Variants in NF2 observed in about 807,000 individuals in gnomAD.
NF2 encodes merlin.
A neutral mutation model predicts 83.7 loss-of-function variants in NF2; 8 were observed. The observed-to-expected ratio is 0.10, with a 90% CI of 0.06 to 0.17. The LOEUF (loss-of-function observed/expected upper bound fraction) is 0.17. Among genes scored for constraint, NF2 ranks in the 10% least tolerant of loss-of-function variants. The pLI, the probability that NF2 is intolerant of heterozygous loss-of-function variation, is 1.00. For synonymous variants in NF2, 266 were observed against 269.6 expected, an observed-to-expected ratio of 0.99 and a Z score of 0.13; for missense variants, 533 against 744.4, an observed-to-expected ratio of 0.72 and a Z score of 3.31.
intron 11 of NF2, among the ~76,000 whole-genome samples, 168 bp downstream of exon 11, chr22:29,672,116 G>A (rs1355150925): frequency 6.6e-6 from 1 of 152,200 alleles, no homozygotes; most frequent in Non-Finnish European, 1.5e-5. Context: ...GGCAGAAGCA[G>A]ATTTAGGTTG....
intron 13 of NF2, among the ~76,000 whole-genome samples, chr22:29,677,787 T>C (rs2067010196): frequency 6.6e-6 from 1 of 152,222 alleles, no homozygotes; most frequent in African/African-American, 2.4e-5. Context: ...TTTACCTTTT[T>C]TAACAGTGAT....
intron 2 of NF2, among the ~76,000 whole-genome samples, chr22:29,638,352 T>A (rs2065703855): frequency 6.6e-6 from 1 of 151,026 alleles, no homozygotes; most frequent in East Asian, 1.9e-4. Context: ...AAGCTGTATT[T>A]TTTTTTTTTT....
In NF2 at chr22:29,697,193, A is replaced by G. The variant is rs2067576821; in HGVS notation, c.*2391A>G. The G allele has an allele frequency of 5.0e-6, 1 of 201,948 alleles. No individual in the cohort carries two copies. 12.5% of individuals were successfully genotyped at this position (201,948 alleles called of 1,614,324 possible). A position where few individuals can be genotyped will look rare whatever the true frequency, so the allele number is the denominator to read the frequency against. Reference sequence around the variant, plus strand: ...TCCTGACCTGTAAATTTGTTCTTTAACAATGGCTGCAGGTGGGAGCATATG... The same window carrying G: ...TCCTGACCTGTAAATTTGTTCTTTAGCAATGGCTGCAGGTGGGAGCATATG... On this transcript the variant is annotated 3_prime_UTR_variant, in exon 16 of 16. Coordinates refer to ENST00000338641, the MANE Select transcript of NF2 (RefSeq NM_000268.4).
At chr22:29,651,243 AT>A (rs2066139401) in intron 4 of NF2, among the ~76,000 whole-genome samples, 1 of 152,192 alleles carries the variant, frequency 6.6e-6, no homozygotes, top group East Asian at 1.9e-4. Context: ...TAGACAGGAA[AT>A]TATTTCATAT....
At chr22:29,606,869 A>C (rs1204645631) in intron 1 of NF2, among the ~76,000 whole-genome samples, 1 of 152,120 alleles carries the variant, frequency 6.6e-6, no homozygotes, top group Non-Finnish European at 1.5e-5. Context: ...AATATGGTGA[A>C]CCCCATCTCT....
chr22:29,662,832 G>A (rs1196921671), intron 8 of NF2, among the ~76,000 whole-genome samples: 1 of 152,222 alleles, frequency 6.6e-6, no homozygotes, highest in Admixed American at 6.5e-5. Context: ...GAGCACAGGG[G>A]CACTGGGGAG....
At chr22:29,693,597 C>T (rs1349070499) in intron 15 of NF2, among the ~76,000 whole-genome samples, 1 of 152,216 alleles carries the variant, frequency 6.6e-6, no homozygotes. Flanking sequence ...TGGCAACCTC[C>T]AGAGGAAAGA....
At chr22:29,644,804 G>T (rs2065936975) in intron 4 of NF2, among the ~76,000 whole-genome samples, 1 of 152,190 alleles carries the variant, frequency 6.6e-6, no homozygotes, top group African/African-American at 2.4e-5. Flanking sequence ...GCCTGCAATT[G>T]CAGGCACTCG....
In NF2 at chr22:29,639,185, G is replaced by T; in HGVS notation, c.336G>T (p.Glu112Asp). The T allele has an allele frequency of 6.2e-7, 1 of 1,614,156 alleles. No homozygotes were observed. Among genetic ancestry groups the T allele is most frequent in the Non-Finnish European group, 8.5e-7 (1 of 1,180,022 alleles). ...ATGCTGAAGAGGAGCTGGTTCAGGA[G>T]ATCACACAACATTTATTCTTCTTAC... ...PENAEEELVQ[E>D]ITQHLFFLQV... Residue 112 changes from glutamate to aspartate, a missense_variant, in exon 3 of 16, where the codon GAG (glutamate) becomes GAT (aspartate). Physicochemically the swap from Glu to Asp is conservative, Grantham distance 45 (BLOSUM62 2). Around this residue, in one of 3 missense-constraint regions of NF2, gnomAD observed 326 missense variants for 475.1 expected, o/e 0.69. Transcript: ENST00000338641.
intron 9 of NF2, among the ~76,000 whole-genome samples, chr22:29,667,200 T>C (rs2066648542): frequency 6.6e-6 from 1 of 152,148 alleles, no homozygotes; most frequent in East Asian, 1.9e-4. Flanking sequence ...TTTGCCAATC[T>C]TGTGCATCTA....
intron 4 of NF2, among the ~76,000 whole-genome samples, chr22:29,651,027 C>T (rs1275190797): frequency 5.3e-5 from 8 of 152,078 alleles, no homozygotes; most frequent in South Asian, 2.1e-4. Flanking sequence ...TTTTAGAATG[C>T]GTTTACCAAC....
chr22:29,654,439 C>T (rs991982552), intron 4 of NF2, among the ~76,000 whole-genome samples: 2 of 152,214 alleles, frequency 1.3e-5, no homozygotes, highest in African/African-American at 4.8e-5. Flanking sequence ...GCACATCACC[C>T]ATCCATCTCT....
chr22:29,649,930 C>T lies in NF2; in HGVS notation c.448-4727C>T, dbSNP rs576956737. Among the ~76,000 whole-genome samples, 4 of 152,194 alleles carry T rather than the reference C, an allele frequency of 2.6e-5. No homozygotes were observed. In the East Asian group the frequency reaches 7.7e-4, roughly 29 times the overall value. ...GGATAAATGCTTGAGGGGATGGACACCCCATTCTCCATGATGTGATTATTT... is the reference window on the plus strand; with the variant it reads ...GGATAAATGCTTGAGGGGATGGACATCCCATTCTCCATGATGTGATTATTT... On this transcript the variant is annotated intron_variant, in intron 4 of 15. Transcript: ENST00000338641.
At chr22:29,660,724 G>A (rs1426482080) in intron 7 of NF2, among the ~76,000 whole-genome samples, 5 of 149,852 alleles carry the variant, frequency 3.3e-5, no homozygotes, top group Non-Finnish European at 7.5e-5. Context: ...CACCATGCCC[G>A]GCTAATTTTT....
At chr22:29,662,535 A>G (rs1235986237) in intron 8 of NF2, among the ~76,000 whole-genome samples, 2 of 152,194 alleles carry the variant, frequency 1.3e-5, no homozygotes, top group East Asian at 3.8e-4. Flanking sequence ...GAAGTCAAGT[A>G]ACTACTCACC....
chr22:29,631,898 C>A (rs145365508), intron 1 of NF2, among the ~76,000 whole-genome samples: 610 of 152,296 alleles, frequency 4.0e-3, no homozygotes, highest in South Asian at 6.8e-3. Context: ...GAGATTCATA[C>A]CAATGGAGAC....
Position 29,661,319 on chromosome 22 carries a change from A to G in NF2, c.790A>G (p.Ile264Val), listed in dbSNP as rs1255835564. Residue 264 changes from isoleucine to valine, a missense_variant, in exon 8 of 16, where the codon ATC becomes GTC. Physicochemically the swap from Ile to Val is conservative, Grantham distance 29 (BLOSUM62 3). Around this residue, in one of 3 missense-constraint regions of NF2, gnomAD observed 326 missense variants for 475.1 expected, o/e 0.69. Transcript: ENST00000338641. ...CTTCCCGTGGAATGAAATCCGAAAC[A>G]TCTCGTACAGTGACAAGGAGGTAGG... ...ISFPWNEIRNISYSDKEFTIK... is the reference protein window; with the variant it reads ...ISFPWNEIRNVSYSDKEFTIK... 6.2e-7 allele frequency: 1 copy of G among 1,614,000 alleles called. No homozygotes were observed. Among genetic ancestry groups the G allele is most frequent in the Non-Finnish European group, 8.5e-7 (1 of 1,180,024 alleles).
At chr22:29,644,919 G>C (rs1788772285) in intron 4 of NF2, among the ~76,000 whole-genome samples, 1 of 150,298 alleles carries the variant, frequency 6.7e-6, no homozygotes, top group South Asian at 2.2e-4. Context: ...TGGAAAGAGA[G>C]GGAGAGGGAG....
At chr22:29,673,121 A>G in intron 11 of NF2, 148 bp from the exon 12 acceptor site, 1 of 883,232 alleles carries the variant, frequency 1.1e-6, no homozygotes, top group Admixed American at 2.0e-5. Context: ...GTGGCTTGTC[A>G]TTTCTTGTCA....
Sources: allele counts gnomAD v4.1 joint callset (sites outside exome capture counted in the v4.1 genomes callset), GRCh38; gene constraint gnomAD v4.1.1; regional missense constraint gnomAD v4.1.1; transcripts MANE v1.5; gene names NCBI Gene and HGNC (gene_info 2026-07-23, HGNC 2026-07-21).